UBE4B: variants seen among roughly 807,000 people sequenced by gnomAD.
UBE4B encodes the protein ubiquitination factor E4B.
In UBE4B, 27 loss-of-function variants were observed where a neutral mutation model predicts 148.1. The observed-to-expected ratio is 0.18, with a 90% CI of 0.13 to 0.25. UBE4B has a LOEUF of 0.25. UBE4B is among the 10% of genes least tolerant of loss of function. The pLI, the probability that UBE4B is intolerant of heterozygous loss-of-function variation, is 1.00. For missense variants in UBE4B, 1,170 were observed against 1,662.4 expected, an observed-to-expected ratio of 0.70 and a Z score of 5.15; for synonymous variants, 596 against 619.3, an observed-to-expected ratio of 0.96 and a Z score of 0.56.
chr1:10,103,121 C>T, intron 5 of UBE4B, 29 bp downstream of exon 5: 1 of 1,570,746 alleles, frequency 6.4e-7, no homozygotes, highest in Non-Finnish European at 8.7e-7. Context: ...AGTCTTACTG[C>T]AGAGTACTCG....
chr1:10,040,963 C>T (rs1415784536), intron 1 of UBE4B, among the ~76,000 whole-genome samples: 1 of 152,136 alleles, frequency 6.6e-6, no homozygotes, highest in Admixed American at 6.5e-5. Flanking sequence ...TGTAACAGGC[C>T]TGAGGACCTG....
intron 3 of UBE4B, 134 bp downstream of exon 3, chr1:10,095,730 T>C: frequency 1.1e-6 from 1 of 943,436 alleles, no homozygotes; most frequent in Non-Finnish European, 1.6e-6. Flanking sequence ...TAGTGTCAAA[T>C]GTATTAAATT....
intron 25 of UBE4B, among the ~76,000 whole-genome samples, chr1:10,175,546 G>A (rs1646412046): frequency 6.6e-6 from 1 of 152,032 alleles, no homozygotes; most frequent in Non-Finnish European, 1.5e-5. Flanking sequence ...AGCTACTCGG[G>A]AGGCTGAGGC....
chr1:10,065,444 T>C (rs1382505427), intron 1 of UBE4B, among the ~76,000 whole-genome samples: 1 of 152,206 alleles, frequency 6.6e-6, no homozygotes, highest in African/African-American at 2.4e-5. Context: ...ACTGTATTGT[T>C]GTCCACATAT....
intron 3 of UBE4B, among the ~76,000 whole-genome samples, chr1:10,099,166 T>C (rs554371341): frequency 1.5e-4 from 23 of 152,206 alleles, no homozygotes; most frequent in Admixed American, 2.6e-4. Context: ...TGCTTGAACC[T>C]GGGAGGCAGG....
At chr1:10,069,484 G>A (rs908739195) in intron 1 of UBE4B, among the ~76,000 whole-genome samples, 1 of 152,164 alleles carries the variant, frequency 6.6e-6, no homozygotes, top group African/African-American at 2.4e-5. Flanking sequence ...AAATAAGTAG[G>A]GAAAGGGACA....
intron 4 of UBE4B, among the ~76,000 whole-genome samples, chr1:10,102,037 T>C (rs1645020970): frequency 6.6e-6 from 1 of 151,336 alleles, no homozygotes; most frequent in African/African-American, 2.5e-5. Flanking sequence ...TTCTGTTTAG[T>C]AAATTATTAG....
intron 7 of UBE4B, among the ~76,000 whole-genome samples, chr1:10,107,853 C>T (rs1196705024): frequency 1.3e-5 from 2 of 152,136 alleles, no homozygotes; most frequent in Admixed American, 6.6e-5. Context: ...GTTGGGATTA[C>T]AGGAGTGAGT....
At chr1:10,123,493 G>A (rs1250732042) in intron 10 of UBE4B, among the ~76,000 whole-genome samples, 3 of 141,974 alleles carry the variant, frequency 2.1e-5, no homozygotes, top group African/African-American at 7.9e-5. Context: ...CTACATTAAA[G>A]AGGTAATGGG....
Position 10,168,010 on chromosome 1 carries a change from G to T in UBE4B, c.3199-126G>T. Reference sequence around the variant, plus strand: ...AAACTTCAGTTATCTGGGACATGTGGCAGGCGGTTCTGTCATTCCCTAAGC... The same window carrying T: ...AAACTTCAGTTATCTGGGACATGTGTCAGGCGGTTCTGTCATTCCCTAAGC... On this transcript the variant is annotated intron_variant, in intron 23 of 27. Transcript: ENST00000343090. This position sits in a 1 kb window ranked among gnomAD's most constrained non-coding sequence, Gnocchi z 4.9. 8.7e-7 allele frequency: 1 copy of T among 1,147,340 alleles called. No homozygotes were observed. The highest frequency in any genetic ancestry group is 1.2e-6 in the Non-Finnish European group (1 of 859,668). The allele number at this position is 1,147,340 out of a possible 1,614,324, so 71.1% of individuals were successfully genotyped here.
chr1:10,059,483 G>A (rs1023246213), intron 1 of UBE4B: 2 of 215,660 alleles, frequency 9.3e-6, no homozygotes, highest in Non-Finnish European at 9.9e-6. Context: ...GTCGAGCCTT[G>A]GGAGGCTCTC....
rs1216814298 is a variant in UBE4B, at chr1:10,106,452, C to G, written c.1065C>G (p.Ala355=). 2 of 1,613,860 alleles carry G rather than the reference C, an allele frequency of 1.2e-6. No individual in the cohort carries two copies. Among genetic ancestry groups the G allele is most frequent in the African/African-American group, 2.7e-5 (2 of 74,914 alleles). The change falls in exon 7 of 28, where the codon GCC becomes GCG. Residue 355 remains alanine (A), a synonymous_variant. Transcript: ENST00000343090. This position sits in a 1 kb window ranked among gnomAD's most constrained non-coding sequence, Gnocchi z 4.2. ...SILSSSPSPP[A]LASSPQAVPA... is the part of the protein sequence containing the mutation. ...TGTCGAGCTCCCCAAGTCCCCCTGCCCTCGCCAGTAGCCCCCAAGCAGTGC... is the reference window on the plus strand; with the variant it reads ...TGTCGAGCTCCCCAAGTCCCCCTGCGCTCGCCAGTAGCCCCCAAGCAGTGC...
At chr1:10,073,805 G>T (rs1340992763) in intron 2 of UBE4B, among the ~76,000 whole-genome samples, 1 of 151,782 alleles carries the variant, frequency 6.6e-6, no homozygotes, top group African/African-American at 2.4e-5. Flanking sequence ...GTTGCACCAT[G>T]CTTCCCAGTT....
rs530147203 is a variant in UBE4B at position 10,109,903 on chromosome 1, G to A, written c.1196+3320G>A. 4.6e-4 allele frequency among the ~76,000 whole-genome samples: 70 copies of A among 152,068 alleles called. 1 individual carries two copies. In the East Asian group the frequency reaches 0.013, roughly 29 times the overall value. ...ACACCTCAGGTGATCTGCCCACCTC[G>A]GCCTCCCAGAGTCTCAAACTTCTGA... On this transcript the variant is annotated intron_variant, in intron 7 of 27. Coordinates refer to ENST00000343090, the MANE Select transcript of UBE4B (RefSeq NM_001105562.3).
intron 12 of UBE4B, among the ~76,000 whole-genome samples, chr1:10,130,129 A>G (rs566192856): frequency 8.5e-5 from 13 of 152,292 alleles, no homozygotes; most frequent in Admixed American, 7.8e-4. Flanking sequence ...GCTGGAGCGC[A>G]GTGGCGCAAT....
intron 22 of UBE4B, among the ~76,000 whole-genome samples, chr1:10,160,073 C>T (rs1646136004): frequency 6.6e-6 from 1 of 152,198 alleles, no homozygotes; most frequent in African/African-American, 2.4e-5. Context: ...CAGTTGTAGA[C>T]CCTGAAGTGT....
At chr1:10,104,116 A>C (rs556840658) in intron 5 of UBE4B, among the ~76,000 whole-genome samples, 1 of 152,234 alleles carries the variant, frequency 6.6e-6, no homozygotes, top group Admixed American at 6.5e-5. Context: ...TCCTGAGAGA[A>C]GTGTTCTGTA....
At chr1:10,085,885 A>G (rs547947599) in intron 2 of UBE4B, among the ~76,000 whole-genome samples, 1 of 151,720 alleles carries the variant, frequency 6.6e-6, no homozygotes, top group Admixed American at 6.6e-5. Flanking sequence ...TGCCTCCTGG[A>G]TTCAAGCAAT....
At chr1:10,092,475 A>G (rs1398329593) in intron 2 of UBE4B, among the ~76,000 whole-genome samples, 2 of 151,566 alleles carry the variant, frequency 1.3e-5, no homozygotes, top group Non-Finnish European at 1.5e-5. Context: ...CGCCCGCCTC[A>G]GCTCCCAAAG....
Sources: gnomAD v4.1 joint callset for allele counts (sites outside exome capture counted in the v4.1 genomes callset) on GRCh38, gnomAD v4.1.1 for gene constraint, Gnocchi (gnomAD v3.1) non-coding constraint, MANE v1.5 for transcripts, NCBI Gene and HGNC (gene_info 2026-07-23, HGNC 2026-07-21) for gene names.